Variants in CCSER1 observed in about 807,000 individuals in gnomAD.
CCSER1 encodes the protein coiled-coil serine rich protein 1, also known as serine-rich coiled-coil domain-containing protein 1.
A neutral mutation model predicts 82.0 loss-of-function variants in CCSER1; 41 were observed. That is an observed-to-expected ratio of 0.50 (90% CI 0.39 to 0.65). The LOEUF (loss-of-function observed/expected upper bound fraction) is 0.65. Among genes scored for constraint, CCSER1 ranks in the 30% least tolerant of loss-of-function variants. The pLI is 0.00. For missense variants in CCSER1, 1,119 were observed against 1,064.2 expected (o/e 1.05, Z -0.72); for synonymous variants, 414 against 383.9 (o/e 1.08, Z -0.92).
At chr4:91,061,424 C>A (rs1454941322) in intron 9 of CCSER1, among the ~76,000 whole-genome samples, 1 of 151,964 alleles carries the variant, frequency 6.6e-6, no homozygotes, top group Non-Finnish European at 1.5e-5. Flanking sequence ...GCCCTCTCCA[C>A]CAGGTTTTTT....
chr4:90,615,779 G>A (rs1018924140), intron 5 of CCSER1, among the ~76,000 whole-genome samples: 3 of 151,958 alleles, frequency 2.0e-5, no homozygotes, highest in African/African-American at 7.2e-5. Flanking sequence ...TAAACTTAGT[G>A]GATAAAGCTG....
rs34883358 is a variant in CCSER1 at position 91,037,232 on chromosome 4, T to TCTCACA, written c.2173-48717_2173-48716insTCACAC. 2.2e-3 allele frequency among the ~76,000 whole-genome samples: 326 copies of TCTCACA among 146,426 alleles called. 2 individuals carry two copies. Among genetic ancestry groups the TCTCACA allele is most frequent in the Admixed American group, 7.8e-3 (113 of 14,524 alleles). The stretch of plus-strand genomic sequence containing the variant: ...CAATCTTTGTGTCTTTCTATCTCTG[T>TCTCACA]CACACACACACACACACACACACAC... On this transcript the variant is annotated intron_variant, in intron 9 of 10. Transcript: ENST00000509176.
chr4:90,144,981 T>G (rs772486217), intron 1 of CCSER1, among the ~76,000 whole-genome samples: 1 of 152,142 alleles, frequency 6.6e-6, no homozygotes, highest in Non-Finnish European at 1.5e-5. Flanking sequence ...TTACGACCAT[T>G]ATTTTCGTTT....
At chr4:90,862,880 A>G (rs1765263130) in intron 8 of CCSER1, among the ~76,000 whole-genome samples, 1 of 149,828 alleles carries the variant, frequency 6.7e-6, no homozygotes, top group African/African-American at 2.5e-5. Context: ...TTACAGAAGC[A>G]CACTACAGGA....
chr4:90,450,990 T>C (rs1032368164), intron 4 of CCSER1, among the ~76,000 whole-genome samples: 1 of 152,210 alleles, frequency 6.6e-6, no homozygotes, highest in Non-Finnish European at 1.5e-5. Flanking sequence ...ATAGTAGGGC[T>C]ATGGAGAGAA....
intron 5 of CCSER1, among the ~76,000 whole-genome samples, chr4:90,536,356 C>T (rs1364244474): frequency 6.6e-6 from 1 of 152,158 alleles, no homozygotes. Context: ...TTTATGAATA[C>T]TTTACATCTT....
chr4:90,804,198 C>A (rs1455585919), intron 7 of CCSER1, among the ~76,000 whole-genome samples: 1 of 152,118 alleles, frequency 6.6e-6, no homozygotes, highest in Non-Finnish European at 1.5e-5. Flanking sequence ...TTTTGCTATG[C>A]AGAAGCTCTT....
chr4:90,521,324 T>A (rs957052482), intron 5 of CCSER1, among the ~76,000 whole-genome samples: 2 of 152,228 alleles, frequency 1.3e-5, no homozygotes, highest in Non-Finnish European at 2.9e-5. Flanking sequence ...ATGAATGTGG[T>A]TATGACAGTG....
intron 3 of CCSER1, among the ~76,000 whole-genome samples, chr4:90,356,121 G>C (rs546805257): frequency 3.2e-4 from 48 of 151,740 alleles, no homozygotes; most frequent in African/African-American, 1.1e-3. Context: ...AAATTTCCTG[G>C]TTTCTTTTAA....
rs80189010 is a variant in CCSER1, at chr4:90,803,082, T to G, written c.2011-12680T>G. On this transcript the variant is annotated intron_variant, in intron 7 of 10. Coordinates refer to ENST00000509176, the MANE Select transcript of CCSER1 (RefSeq NM_001145065.2). The stretch of plus-strand genomic sequence containing the variant: ...TCTACAAATACAAAGAAAGTCATGA[T>G]GACTCAATGTCAAACTTGATGTGTT... Among the ~76,000 whole-genome samples, 961 of 152,336 alleles carry G rather than the reference T, an allele frequency of 6.3e-3. 7 individuals are homozygous for G. Among genetic ancestry groups the G allele is most frequent in the Middle Eastern group, 0.024 (7 of 294 alleles).
intron 6 of CCSER1, among the ~76,000 whole-genome samples, chr4:90,645,475 T>A (rs1280201100): frequency 6.6e-6 from 1 of 152,182 alleles, no homozygotes; most frequent in Non-Finnish European, 1.5e-5. Flanking sequence ...GTCTTCAAGG[T>A]GACATTTTAT....
chr4:90,308,808 A>C lies in CCSER1; in HGVS notation c.524A>C (p.Gln175Pro), dbSNP rs773629286. Residue 175 changes from glutamine (Q) to proline (P), a missense_variant, in exon 2 of 11, where the codon CAG becomes CCG. By Grantham distance (76) the Gln-to-Pro change is moderately conservative. Transcript: ENST00000509176. Reference sequence around the variant, plus strand: ...GACCAAACTCGTCGTTCTGTTAAGCAGTCAACAAGGAAGCTACTCCCTAAA... The same window carrying C: ...GACCAAACTCGTCGTTCTGTTAAGCCGTCAACAAGGAAGCTACTCCCTAAA... ...TEDQTRRSVK[Q>P]STRKLLPKSF... 6.2e-7 allele frequency: 1 copy of C among 1,613,824 alleles called. No individual in the cohort carries two copies. Among genetic ancestry groups the C allele is most frequent in the Non-Finnish European group, 8.5e-7 (1 of 1,179,838 alleles).
chr4:91,562,695 C>A (rs1762710319), intron 10 of CCSER1, among the ~76,000 whole-genome samples: 1 of 151,382 alleles, frequency 6.6e-6, no homozygotes, highest in Non-Finnish European at 1.5e-5. Flanking sequence ...ATCTTCCATG[C>A]AGAGAGTTTT....
chr4:90,173,157 T>C (rs1732034517), intron 1 of CCSER1, among the ~76,000 whole-genome samples: 1 of 151,790 alleles, frequency 6.6e-6, no homozygotes, highest in Non-Finnish European at 1.5e-5. Flanking sequence ...AATTAAGATA[T>C]CAATTTAAAA....
chr4:91,116,597 C>G (rs1389134590), intron 10 of CCSER1, among the ~76,000 whole-genome samples: 1 of 152,056 alleles, frequency 6.6e-6, no homozygotes, highest in African/African-American at 2.4e-5. Flanking sequence ...ATATGCAAAG[C>G]CATTAGAACA....
intron 1 of CCSER1, among the ~76,000 whole-genome samples, chr4:90,158,196 C>G (rs565618403): frequency 1.3e-5 from 2 of 152,138 alleles, no homozygotes; most frequent in African/African-American, 2.4e-5. Flanking sequence ...AGCGGATTTT[C>G]GTGAACCGCA....
chr4:91,520,305 C>CTTTTTTTTTTTT (rs35328076), intron 10 of CCSER1, among the ~76,000 whole-genome samples: 1 of 146,232 alleles, frequency 6.8e-6, no homozygotes. Context: ...AAAACTGTTT[C>CTTTTTTTTTTTT]TTTTTTTTTT....
intron 7 of CCSER1, among the ~76,000 whole-genome samples, chr4:90,756,267 A>T (rs1159688911): frequency 6.6e-6 from 1 of 152,148 alleles, no homozygotes; most frequent in Non-Finnish European, 1.5e-5. Context: ...CATGTAAGAA[A>T]ACATTTAATA....
intron 6 of CCSER1, among the ~76,000 whole-genome samples, chr4:90,640,043 GA>G (rs1287165098): frequency 2.0e-5 from 3 of 152,120 alleles, no homozygotes; most frequent in Admixed American, 1.3e-4. Flanking sequence ...AAAGCCAAGA[GA>G]AAATATTGCT....
Sources: gnomAD v4.1 joint callset for allele counts (sites outside exome capture counted in the v4.1 genomes callset) on GRCh38, gnomAD v4.1.1 for gene constraint, MANE v1.5 for transcripts, NCBI Gene and HGNC (gene_info 2026-07-23, HGNC 2026-07-21) for gene names.